GALNT2: variants seen among roughly 807,000 people sequenced by gnomAD.
The protein encoded by GALNT2 is polypeptide N-acetylgalactosaminyltransferase 2.
GALNT2 carries 31 observed loss-of-function variants against 81.4 expected under a neutral mutation model. That is an observed-to-expected ratio of 0.38 (90% CI 0.29 to 0.51). The LOEUF (loss-of-function observed/expected upper bound fraction) is 0.51, where lower values mean the gene tolerates loss of function less well. Ranked by LOEUF, GALNT2 falls within the 20% of genes least tolerant of loss-of-function variation. The pLI is 0.87. For missense variants in GALNT2, 629 were observed against 765.7 expected, an observed-to-expected ratio of 0.82 and a Z score of 2.11; for synonymous variants, 303 against 287.4, an observed-to-expected ratio of 1.05 and a Z score of -0.55.
chr1:230,240,349 TTTGGGAGGC>T (rs1665161277), intron 6 of GALNT2, among the ~76,000 whole-genome samples: 1 of 152,190 alleles, frequency 6.6e-6, no homozygotes, highest in Non-Finnish European at 1.5e-5. Flanking sequence ...ATCCCAGCAC[TTTGGGAGGC>T]CGAGGTGGGC....
At chr1:230,143,057 G>A (rs1661798429) in intron 1 of GALNT2, among the ~76,000 whole-genome samples, 2 of 152,156 alleles carry the variant, frequency 1.3e-5, no homozygotes, top group South Asian at 4.1e-4. Flanking sequence ...AGCTGCCCAA[G>A]TCCATGTCTG....
At position 230,275,755 on chromosome 1, in the gene GALNT2, T is replaced by TAC. The variant is rs200393699; in HGVS notation, c.1560+1193_1560+1194dup. ...TATATATACAAACACCACATATATA[T>TAC]ACATATATACATACACCACAGATAT... On this transcript the variant is annotated intron_variant, in intron 15 of 15. Coordinates refer to ENST00000366672, the MANE Select transcript of GALNT2 (RefSeq NM_004481.5). The surrounding 1 kb of genome is among the most constrained non-coding windows in gnomAD (Gnocchi z 5.5). Among the ~76,000 whole-genome samples the TAC allele has an allele frequency of 5.7e-3, 863 of 151,006 alleles. 12 individuals carry two copies. The highest frequency in any genetic ancestry group is 0.02 in the African/African-American group (827 of 41,110).
intron 1 of GALNT2, among the ~76,000 whole-genome samples, chr1:230,123,403 G>A (rs1293067022): frequency 6.6e-6 from 1 of 152,174 alleles, no homozygotes; most frequent in African/African-American, 2.4e-5. Context: ...GAATACCAAG[G>A]GTCTCCCCAG....
chr1:230,121,407 C>T (rs1661011762), intron 1 of GALNT2, among the ~76,000 whole-genome samples: 1 of 152,194 alleles, frequency 6.6e-6, no homozygotes, highest in South Asian at 2.1e-4. Flanking sequence ...TTCCTGCCCT[C>T]CCCTGTTTGC....
chr1:230,093,299 A>C (rs1197068237), intron 1 of GALNT2, among the ~76,000 whole-genome samples: 4 of 152,250 alleles, frequency 2.6e-5, no homozygotes, highest in Non-Finnish European at 4.4e-5. Flanking sequence ...GGCACTGAAC[A>C]TGATAATAGT....
At chr1:230,166,065 T>A (rs11122450) in intron 1 of GALNT2, among the ~76,000 whole-genome samples, 1 of 151,854 alleles carries the variant, frequency 6.6e-6, no homozygotes, top group Non-Finnish European at 1.5e-5. Flanking sequence ...TTTAAAGTGG[T>A]CTAATAAGCC....
chr1:230,149,621 G>A (rs1238666761), intron 1 of GALNT2, among the ~76,000 whole-genome samples: 1 of 152,200 alleles, frequency 6.6e-6, no homozygotes, highest in Non-Finnish European at 1.5e-5. Context: ...ATTGGTTTGT[G>A]TGCGTCCTGC....
chr1:230,169,559 A>G (rs1361274763), intron 1 of GALNT2, among the ~76,000 whole-genome samples: 5 of 152,234 alleles, frequency 3.3e-5, no homozygotes, highest in Admixed American at 6.5e-5. Flanking sequence ...AATGAAGACA[A>G]TTGACCGACT....
chr1:230,226,801 G>A (rs1322001754), intron 3 of GALNT2, among the ~76,000 whole-genome samples: 1 of 152,116 alleles, frequency 6.6e-6, no homozygotes, highest in Non-Finnish European at 1.5e-5. Flanking sequence ...GAATTTGCTT[G>A]GATTTTTAAC....
At chr1:230,178,910 G>T (rs944457093) in intron 2 of GALNT2, among the ~76,000 whole-genome samples, 1 of 150,466 alleles carries the variant, frequency 6.6e-6, no homozygotes, top group African/African-American at 2.4e-5. Context: ...AGAGTCCTCC[G>T]TGCTCTGCCC....
chr1:230,098,625 C>T (rs986125739), intron 1 of GALNT2, among the ~76,000 whole-genome samples: 2 of 151,854 alleles, frequency 1.3e-5, no homozygotes, highest in Admixed American at 6.6e-5. Flanking sequence ...TATGCCATAG[C>T]GGGGAGGGAG....
intron 1 of GALNT2, among the ~76,000 whole-genome samples, chr1:230,111,724 G>A (rs1401814572): frequency 6.6e-6 from 1 of 152,132 alleles, no homozygotes; most frequent in African/African-American, 2.4e-5. Context: ...TTCTTAAAAT[G>A]AACACTGGTT....
intron 9 of GALNT2, among the ~76,000 whole-genome samples, chr1:230,249,848 A>T (rs749421025): frequency 6.6e-6 from 1 of 152,244 alleles, no homozygotes; most frequent in Non-Finnish European, 1.5e-5. Flanking sequence ...ACATTTAGCC[A>T]ACATCTGCAG....
intron 1 of GALNT2, among the ~76,000 whole-genome samples, chr1:230,174,459 T>C (rs565803586): frequency 6.6e-6 from 1 of 152,166 alleles, no homozygotes; most frequent in Admixed American, 6.5e-5. Context: ...AGCTTCATCA[T>C]TTCCAAACCA....
At chr1:230,064,493 G>A (rs1398575607), upstream of GALNT2, among the ~76,000 whole-genome samples, 1 of 152,124 alleles carries the variant, frequency 6.6e-6, no homozygotes, top group Non-Finnish European at 1.5e-5. Flanking sequence ...CTTGACACTT[G>A]AGGGCTGGGT....
At chr1:230,171,436 T>C (rs4846922) in intron 1 of GALNT2, among the ~76,000 whole-genome samples, 99,106 of 152,084 alleles carry the variant, frequency 0.65, 32,351 homozygotes, top group Admixed American at 0.7. Flanking sequence ...TGGTAATTAC[T>C]GAAAAGTCAT....
At chr1:230,250,424 C>G (rs1350849644) in intron 9 of GALNT2, 33 bp from the exon 10 acceptor site, 1 of 1,563,582 alleles carries the variant, frequency 6.4e-7, no homozygotes, top group African/African-American at 1.4e-5. Flanking sequence ...TTTGCCCTCT[C>G]CTCCCTCCCC....
intron 1 of GALNT2, among the ~76,000 whole-genome samples, chr1:230,145,316 A>C (rs562695628): frequency 6.6e-6 from 1 of 152,198 alleles, no homozygotes; most frequent in East Asian, 1.9e-4. Flanking sequence ...CTGACCCCTA[A>C]GTTTGTGGGG....
intron 1 of GALNT2, among the ~76,000 whole-genome samples, chr1:230,104,713 TAGG>T (rs1660489886): frequency 2.6e-5 from 4 of 152,022 alleles, no homozygotes; most frequent in Admixed American, 2.0e-4. Context: ...TGCTGGGAGG[TAGG>T]AGGGCGATCC....
Sources: gnomAD v4.1 joint callset for allele counts (sites outside exome capture counted in the v4.1 genomes callset) on GRCh38, gnomAD v4.1.1 for gene constraint, Gnocchi (gnomAD v3.1) non-coding constraint, MANE v1.5 for transcripts, NCBI Gene and HGNC (gene_info 2026-07-23, HGNC 2026-07-21) for gene names.